The following DLC1 variants were observed in gnomAD, a reference collection of about 807,000 sequenced individuals.
The protein encoded by DLC1 is DLC1 Rho GTPase activating protein.
DLC1 carries 54 observed loss-of-function variants against 140.3 expected under a neutral mutation model. The observed-to-expected ratio is 0.38, with a 90% CI of 0.31 to 0.48. The LOEUF is 0.48. Ranked by LOEUF, DLC1 falls within the 20% of genes least tolerant of loss-of-function variation. DLC1 has a pLI of 0.96. For missense variants in DLC1, 2,536 were observed against 1,907.0 expected, an observed-to-expected ratio of 1.33 and a Z score of -6.14; for synonymous variants, 986 against 728.1, an observed-to-expected ratio of 1.35 and a Z score of -5.70.
chr8:13,436,864 A>T (rs970559018), intron 2 of DLC1, among the ~76,000 whole-genome samples: 1 of 152,210 alleles, frequency 6.6e-6, no homozygotes, highest in Non-Finnish European at 1.5e-5. Flanking sequence ...GGTCTTAAAT[A>T]TGATGCCCTG....
chr8:13,593,948 AG>A (rs1805602881), intron 1 of DLC1, among the ~76,000 whole-genome samples: 1 of 152,094 alleles, frequency 6.6e-6, no homozygotes, highest in African/African-American at 2.4e-5. Context: ...GCTAATGCAA[AG>A]ATCCTCTGAA....
At chr8:13,566,881 G>T (rs1048049210) in intron 1 of DLC1, 21 of 1,367,780 alleles carry the variant, frequency 1.5e-5, no homozygotes, top group Non-Finnish European at 1.6e-5. Context: ...GACGACCTCC[G>T]CAGAGCTGAT....
chr8:13,508,276 G>A (rs6988936), intron 1 of DLC1, among the ~76,000 whole-genome samples: 3,530 of 152,236 alleles, frequency 0.023, 158 homozygotes, highest in African/African-American at 0.08. Context: ...TAAGCAACCC[G>A]CATGTAATTT....
intron 2 of DLC1, among the ~76,000 whole-genome samples, chr8:13,495,445 CAT>C (rs1267574190): frequency 1.3e-5 from 2 of 152,188 alleles, no homozygotes; most frequent in Admixed American, 6.5e-5. Flanking sequence ...GAGTGCTGGT[CAT>C]ATGTCACCCA....
At chr8:13,207,809 C>T (rs766814345) in intron 5 of DLC1, among the ~76,000 whole-genome samples, 3 of 152,118 alleles carry the variant, frequency 2.0e-5, no homozygotes, top group Admixed American at 1.3e-4. Flanking sequence ...ATGTACAGTT[C>T]TCCACGACAA....
chr8:13,085,952 A>C (rs1364888072), intron 17 of DLC1, 21 bp from the exon 18 acceptor site: 5 of 1,610,104 alleles, frequency 3.1e-6, no homozygotes, highest in Non-Finnish European at 4.2e-6. Flanking sequence ...AAAGAAAGAA[A>C]AGCTGATGAA....
intron 2 of DLC1, among the ~76,000 whole-genome samples, chr8:13,471,784 A>G (rs908950066): frequency 1.3e-5 from 2 of 152,180 alleles, no homozygotes; most frequent in Non-Finnish European, 2.9e-5. Flanking sequence ...GCCTTTCAGC[A>G]AAGTCCCTGG....
chr8:13,299,059 C>G (rs1832075860), intron 5 of DLC1, among the ~76,000 whole-genome samples: 1 of 151,830 alleles, frequency 6.6e-6, no homozygotes, highest in Admixed American at 6.6e-5. Context: ...TGCAGTGTTA[C>G]TTTTCCAAGA....
intron 2 of DLC1, among the ~76,000 whole-genome samples, chr8:13,495,415 C>G (rs992750852): frequency 1.3e-5 from 2 of 152,162 alleles, no homozygotes; most frequent in African/African-American, 4.8e-5. Context: ...CCGCCTCACC[C>G]CAGAGACCAG....
chr8:13,516,303 G>T (rs149226738), upstream of DLC1, among the ~76,000 whole-genome samples: 3,815 of 152,240 alleles, frequency 0.025, 74 homozygotes, highest in South Asian at 0.074. Context: ...AGAGGTAAAA[G>T]ACATCTTAAA....
At chr8:13,405,222 G>A (rs1035678018) in intron 2 of DLC1, among the ~76,000 whole-genome samples, 1 of 151,946 alleles carries the variant, frequency 6.6e-6, no homozygotes, top group Non-Finnish European at 1.5e-5. Context: ...TGAGGTCTGG[G>A]GTATGACTGA....
chr8:13,488,422 A>C (rs545738420), intron 2 of DLC1, among the ~76,000 whole-genome samples: 11 of 152,232 alleles, frequency 7.2e-5, no homozygotes, highest in Non-Finnish European at 1.6e-4. Flanking sequence ...AGGACTCATT[A>C]GTATATTGAA....
intron 5 of DLC1, among the ~76,000 whole-genome samples, chr8:13,137,080 A>G (rs1822617838): frequency 1.3e-5 from 2 of 152,192 alleles, no homozygotes; most frequent in Admixed American, 1.3e-4. Context: ...ATTAAAACAA[A>G]ATAAGACCTT....
chr8:13,431,258 C>T (rs540691105), intron 2 of DLC1, among the ~76,000 whole-genome samples: 152 of 151,914 alleles, frequency 1.0e-3, no homozygotes, highest in African/African-American at 2.5e-3. Flanking sequence ...CTGAGGCGGG[C>T]GGATCACGAG....
chr8:13,576,491 A>C, intron 1 of DLC1, among the ~76,000 whole-genome samples: 1 of 152,230 alleles, frequency 6.6e-6, no homozygotes, highest in African/African-American at 2.4e-5. Context: ...ATGTAAACAT[A>C]GAAATATGTT....
intron 1 of DLC1, among the ~76,000 whole-genome samples, chr8:13,580,439 C>G (rs1805053547): frequency 6.6e-6 from 1 of 152,106 alleles, no homozygotes; most frequent in African/African-American, 2.4e-5. Context: ...ACATTTTTAA[C>G]CGAAGCTTAC....
intron 2 of DLC1, among the ~76,000 whole-genome samples, chr8:13,493,301 A>T (rs1293504830): frequency 6.6e-6 from 1 of 152,086 alleles, no homozygotes; most frequent in African/African-American, 2.4e-5. Context: ...TCACAAGCTA[A>T]TTCCTTCATT....
chr8:13,285,320 G>T (rs1052026462), intron 5 of DLC1, among the ~76,000 whole-genome samples: 1 of 152,142 alleles, frequency 6.6e-6, no homozygotes. Context: ...AACAACTGGG[G>T]TGCTGGGGCA....
At chr8:13,438,235 A>G (rs1035133256) in intron 2 of DLC1, among the ~76,000 whole-genome samples, 1 of 152,176 alleles carries the variant, frequency 6.6e-6, no homozygotes, top group African/African-American at 2.4e-5. Flanking sequence ...GCACGGGTAT[A>G]TTTAAAAATG....
Sources: allele counts gnomAD v4.1 joint callset (sites outside exome capture counted in the v4.1 genomes callset), GRCh38; gene constraint gnomAD v4.1.1; transcripts MANE v1.5; gene names NCBI Gene and HGNC (gene_info 2026-07-23, HGNC 2026-07-21).